Variants in PLCXD1 observed in about 807,000 individuals in gnomAD.
PLCXD1 encodes the protein phosphatidylinositol specific phospholipase C X domain containing 1.
Under a neutral mutation model 37.8 loss-of-function variants are expected in PLCXD1, and 45 were observed. That is an observed-to-expected ratio of 1.19 (90% CI 0.94 to 1.53). The LOEUF (loss-of-function observed/expected upper bound fraction) is 1.53. PLCXD1 is among the 40% of genes most tolerant of loss of function. The probability of loss-of-function intolerance (pLI) is 0.00; values close to 1 mark genes in which losing one functional copy is unlikely to be tolerated. For synonymous variants in PLCXD1, 246 were observed against 206.9 expected, an observed-to-expected ratio of 1.19 and a Z score of -1.62; for missense variants, 539 against 454.7, an observed-to-expected ratio of 1.19 and a Z score of -1.69.
Position 302,394 on chromosome X carries a change from CTTTT to C in PLCXD1, c.*3064_*3067del, listed in dbSNP as rs907563700. ...GTTTCAGACGCAGATCCTGCAAATA[CTTTT>C]TTTTGTTTTTTTGAGATGGATTTTC... On this transcript the variant is annotated 3_prime_UTR_variant, in exon 7 of 7. Transcript: ENST00000381657. 6 of 151,290 alleles carry C rather than the reference CTTTT, an allele frequency of 4.0e-5. No individual in the cohort carries two copies. Among genetic ancestry groups the C allele is most frequent in the African/African-American group, 7.3e-5 (3 of 41,198 alleles). 9.4% of individuals were successfully genotyped at this position (151,290 alleles called of 1,614,324 possible).
At position 300,902 on chromosome X, in the gene PLCXD1, C is replaced by G. The variant is rs143387581; in HGVS notation, c.*1567C>G. The G allele has an allele frequency of 2.6e-5, 4 of 152,062 alleles. No individual in the cohort carries two copies. The highest frequency in any genetic ancestry group is 2.6e-4 in the Admixed American group (4 of 15,256). The allele number at this position is 152,062 out of a possible 1,614,324, so 9.4% of individuals were successfully genotyped here. ...ATATTTAGTAGAGACGGGGTTTCTCCGCGTTGGTCAGGCCGTTCTCAAACT... is the reference window on the plus strand; with the variant it reads ...ATATTTAGTAGAGACGGGGTTTCTCGGCGTTGGTCAGGCCGTTCTCAAACT... On this transcript the variant is annotated 3_prime_UTR_variant, in exon 7 of 7. Coordinates refer to ENST00000381657, the MANE Select transcript of PLCXD1 (RefSeq NM_018390.4).
chrX:287,233 A>G lies in PLCXD1; in HGVS notation c.128-1500A>G, dbSNP rs184736271. Among the ~76,000 whole-genome samples the G allele has an allele frequency of 3.2e-3, 459 of 142,562 alleles. 6 individuals carry two copies. Among genetic ancestry groups the G allele is most frequent in the African/African-American group, 0.011 (423 of 37,020 alleles). 93.5% of individuals were successfully genotyped at this position (142,562 alleles called of 152,430 possible). On this transcript the variant is annotated intron_variant, in intron 2 of 6. Transcript: ENST00000381657. ...TATATAAACATACATATTTATATTT[A>G]TATATAATATATAAATAAGTAAATG...
At chrX:298,842 T>C (rs866707049) in intron 6 of PLCXD1, among the ~76,000 whole-genome samples, 1 of 147,004 alleles carries the variant, frequency 6.8e-6, no homozygotes, top group Admixed American at 6.8e-5. Context: ...ATTCTGTCTA[T>C]CACATGGGGA....
chrX:280,354 A>C (rs867048993), upstream of PLCXD1, among the ~76,000 whole-genome samples: 1 of 56,140 alleles, frequency 1.8e-5, no homozygotes, highest in Non-Finnish European at 3.3e-5. Flanking sequence ...GTGCAGGGGG[A>C]AGGGGGGCCG....
chrX:284,324 G>T lies in PLCXD1; in HGVS notation c.127+10G>T. 1 of 1,612,598 alleles carries T rather than the reference G, an allele frequency of 6.2e-7. No individual in the cohort carries two copies. Among genetic ancestry groups the T allele is most frequent in the Non-Finnish European group, 8.5e-7 (1 of 1,179,782 alleles). ...CACCTCTCCATCCCAGGTGAGGTTG[G>T]GGTGGGGCAGGGGCCGTTGCCTCTA... On this transcript the variant is annotated intron_variant, in intron 2 of 6. Coordinates refer to ENST00000381657, the MANE Select transcript of PLCXD1 (RefSeq NM_018390.4).
chrX:297,755 T>C lies in PLCXD1; in HGVS notation c.734-1342T>C, dbSNP rs2069864658. On this transcript the variant is annotated intron_variant, in intron 6 of 6. Transcript: ENST00000381657. Reference sequence around the variant, plus strand: ...GACGTGGACATCTTTGGGGCTGTTATTCTGTCTATCACATGGGGATTAGGA... The same window carrying C: ...GACGTGGACATCTTTGGGGCTGTTACTCTGTCTATCACATGGGGATTAGGA... Among the ~76,000 whole-genome samples the C allele has an allele frequency of 3.2e-5, 2 of 62,732 alleles. 1 individual carries two copies. Among genetic ancestry groups the C allele is most frequent in the South Asian group, 9.0e-4 (2 of 2,224 alleles). 41.2% of individuals were successfully genotyped at this position (62,732 alleles called of 152,430 possible). A position where few individuals can be genotyped will look rare whatever the true frequency, so the allele number is the denominator to read the frequency against.
intron 6 of PLCXD1, among the ~76,000 whole-genome samples, chrX:295,277 C>T (rs747791642): frequency 3.9e-5 from 6 of 152,178 alleles, no homozygotes; most frequent in East Asian, 1.9e-4. Context: ...GCCACGGCCC[C>T]GTGTCCTCCG....
chrX:288,027 G>C (rs1304223012), intron 2 of PLCXD1, among the ~76,000 whole-genome samples: 1 of 152,038 alleles, frequency 6.6e-6, no homozygotes, highest in Admixed American at 6.6e-5. Context: ...GCTCCTGGGG[G>C]CTCCAGGCAT....
chrX:284,463 G>T, intron 2 of PLCXD1, 149 bp downstream of exon 2: 4 of 812,580 alleles, frequency 4.9e-6, no homozygotes, highest in Non-Finnish European at 8.0e-6. Flanking sequence ...ACACTGATGT[G>T]GACACACACA....
rs201193975 is a variant in PLCXD1, at chrX:291,466, G to T, written c.394-33G>T. The stretch of plus-strand genomic sequence containing the variant: ...CCGCCTTCCCTGTGGTGTTGGAGTC[G>T]TGCAGGACTCAGCCCAGCACCCCCC... On this transcript the variant is annotated intron_variant, in intron 4 of 6. Coordinates refer to ENST00000381657, the MANE Select transcript of PLCXD1 (RefSeq NM_018390.4). 1.9e-5 allele frequency: 30 copies of T among 1,610,800 alleles called. No individual in the cohort carries two copies. In the Admixed American group the frequency reaches 2.7e-4, roughly 14 times the overall value.
chrX:284,360 C>G, intron 2 of PLCXD1, 46 bp downstream of exon 2: 1 of 1,606,812 alleles, frequency 6.2e-7, no homozygotes, highest in Non-Finnish European at 8.5e-7. Flanking sequence ...TCCCAGGTGA[C>G]GGCAGGGTGG....
At chrX:290,429 CAAAAAA>C (rs56084430) in intron 3 of PLCXD1, among the ~76,000 whole-genome samples, 396 of 126,314 alleles carry the variant, frequency 3.1e-3, no homozygotes, top group Non-Finnish European at 4.9e-3. Flanking sequence ...GACTCCGTCT[CAAAAAA>C]AAAAAAAAAA....
At chrX:290,808 G>A (rs2069607794) in intron 4 of PLCXD1, 32 bp downstream of exon 4, 1 of 1,602,940 alleles carries the variant, frequency 6.2e-7, no homozygotes, top group Non-Finnish European at 8.5e-7. Context: ...ACGCAATGGG[G>A]AGAGTGGGAG....
At chrX:291,688 C>G in intron 5 of PLCXD1, 34 bp downstream of exon 5, 1 of 1,606,972 alleles carries the variant, frequency 6.2e-7, no homozygotes, top group Non-Finnish European at 8.5e-7. Context: ...ACGTCTCTCC[C>G]GGGGCAGGGG....
chrX:291,527 T>C lies in PLCXD1; in HGVS notation c.422T>C (p.Leu141Pro), dbSNP rs761856697. 4 of 1,612,688 alleles carry C rather than the reference T, an allele frequency of 2.5e-6. No homozygotes were observed. The highest frequency in any genetic ancestry group is 1.1e-5 in the South Asian group (1 of 91,022). ...ACACTCACGGAAATCTCGGAGTGGC[T>C]GGAGCGGCATCCACGCGAGGTGGTC... ...EDTLTEISEW[L>P]ERHPREVVIL... The change falls in exon 5 of 7, where the codon CTG (leucine) becomes CCG (proline). Residue 141 changes from leucine (L) to proline (P), a missense_variant. Coordinates refer to ENST00000381657, the MANE Select transcript of PLCXD1 (RefSeq NM_018390.4).
chrX:287,544 A>G (rs748416371), intron 2 of PLCXD1, among the ~76,000 whole-genome samples: 2 of 100,128 alleles, frequency 2.0e-5, no homozygotes, highest in Non-Finnish European at 1.7e-5. Flanking sequence ...ATATGTTTAT[A>G]TATAGATATA....
chrX:299,701 G>C lies in PLCXD1; in HGVS notation c.*366G>C. On this transcript the variant is annotated 3_prime_UTR_variant, in exon 7 of 7. Coordinates refer to ENST00000381657, the MANE Select transcript of PLCXD1 (RefSeq NM_018390.4). ...GAAGCCGGGAGATGGAGGTTGCATT[G>C]AGCTGACATCGTGCCACTGCACTCC... is the stretch of plus-strand genomic sequence containing the variant. 2.8e-6 allele frequency: 1 copy of C among 358,200 alleles called. No homozygotes were observed. The highest frequency in any genetic ancestry group is 5.2e-6 in the Non-Finnish European group (1 of 193,240). The allele number at this position is 358,200 out of a possible 1,614,324, so 22.2% of individuals were successfully genotyped here. A position where few individuals can be genotyped will look rare whatever the true frequency, so the allele number is the denominator to read the frequency against.
chrX:300,484 GTGTGTATGTGTGTATATATGTA>G lies in PLCXD1; in HGVS notation c.*1151_*1172del, dbSNP rs1198403804. The G allele has an allele frequency of 5.0e-4, 61 of 121,570 alleles. No homozygotes were observed. The highest frequency in any genetic ancestry group is 1.3e-3 in the Admixed American group (17 of 12,698). 7.5% of individuals were successfully genotyped at this position (121,570 alleles called of 1,614,324 possible). A position where few individuals can be genotyped will look rare whatever the true frequency, so the allele number is the denominator to read the frequency against. On this transcript the variant is annotated 3_prime_UTR_variant, in exon 7 of 7. Coordinates refer to ENST00000381657, the MANE Select transcript of PLCXD1 (RefSeq NM_018390.4). Reference sequence around the variant, plus strand: ...TATATGTGTGTGTGTGTGTGTATATGTGTGTATGTGTGTATATATGTATATGTGTGCATATGTGTATACGTGT... The same window carrying G: ...TATATGTGTGTGTGTGTGTGTATATGTATGTGTGCATATGTGTATACGTGT...
upstream of PLCXD1, among the ~76,000 whole-genome samples, chrX:276,663 C>T (rs138447744): frequency 4.5e-3 from 684 of 152,228 alleles, 3 homozygotes; most frequent in African/African-American, 0.016. Flanking sequence ...GCCGCGGAGC[C>T]AGTGTGGAAA....
Sources: allele counts gnomAD v4.1 joint callset (sites outside exome capture counted in the v4.1 genomes callset), GRCh38; gene constraint gnomAD v4.1.1; transcripts MANE v1.5; gene names NCBI Gene and HGNC (gene_info 2026-07-23, HGNC 2026-07-21).